Variants in NELL1 observed in about 807,000 individuals in gnomAD.
NELL1 encodes protein kinase C-binding protein NELL1.
NELL1 carries 76 observed loss-of-function variants against 107.4 expected under a neutral mutation model. The ratio of observed to expected loss-of-function variants is 0.71; its 90% CI spans 0.59 to 0.86. The LOEUF (loss-of-function observed/expected upper bound fraction) is 0.86, where lower values mean the gene tolerates loss of function less well. NELL1 is among the 40% of genes least tolerant of loss of function. NELL1 has a pLI of 0.00. For synonymous variants in NELL1, 353 were observed against 341.2 expected, an observed-to-expected ratio of 1.03 and a Z score of -0.38; for missense variants, 1,024 against 1,005.5, an observed-to-expected ratio of 1.02 and a Z score of -0.25.
intron 15 of NELL1, among the ~76,000 whole-genome samples, chr11:21,462,732 CAAG>C (rs1386651329): frequency 6.6e-6 from 1 of 151,970 alleles, no homozygotes; most frequent in East Asian, 1.9e-4. Context: ...TTCTGAGAGT[CAAG>C]GAGGTCTATT....
chr11:20,898,248 G>T (rs371488767), intron 5 of NELL1, among the ~76,000 whole-genome samples: 1 of 152,196 alleles, frequency 6.6e-6, no homozygotes, highest in African/African-American at 2.4e-5. Context: ...CCATAAAAAA[G>T]GATGAGTTCA....
intron 2 of NELL1, among the ~76,000 whole-genome samples, chr11:20,739,808 A>G (rs925560939): frequency 9.2e-5 from 14 of 152,196 alleles, no homozygotes; most frequent in African/African-American, 3.4e-4. Context: ...AGCATGAGAA[A>G]GGAAGTAGTG....
intron 2 of NELL1, among the ~76,000 whole-genome samples, chr11:20,762,455 G>A (rs1301903218): frequency 6.6e-6 from 1 of 152,144 alleles, no homozygotes; most frequent in Non-Finnish European, 1.5e-5. Flanking sequence ...AATAAGAAAA[G>A]CAAAGCTTCA....
intron 12 of NELL1, among the ~76,000 whole-genome samples, chr11:20,964,445 CAG>C (rs769183683): frequency 2.5e-4 from 38 of 152,166 alleles, no homozygotes; most frequent in Non-Finnish European, 4.6e-4. Context: ...CTTTTACTTG[CAG>C]AGTGTTTTAA....
intron 14 of NELL1, among the ~76,000 whole-genome samples, chr11:21,350,485 G>A (rs566680253): frequency 1.3e-5 from 2 of 152,208 alleles, no homozygotes; most frequent in African/African-American, 4.8e-5. Flanking sequence ...TTCATCCTGT[G>A]CATTCCATTC....
Position 20,825,842 on chromosome 11 carries a change from G to T in NELL1, c.336-21741G>T, listed in dbSNP as rs541698168. 1.3e-4 allele frequency among the ~76,000 whole-genome samples: 20 copies of T among 151,256 alleles called. No homozygotes were observed. In the South Asian group the frequency reaches 3.3e-3, roughly 25 times the overall value. ...GAGAAACACATTTCAAACCTGGGAG[G>T]GGCCAGGGGTGGAATGATATGGTCC... On this transcript the variant is annotated intron_variant, in intron 3 of 19. Coordinates refer to ENST00000357134, the MANE Select transcript of NELL1 (RefSeq NM_006157.5).
intron 14 of NELL1, among the ~76,000 whole-genome samples, chr11:21,350,662 G>C (rs1027257513): frequency 1.2e-4 from 18 of 152,166 alleles, no homozygotes; most frequent in African/African-American, 4.3e-4. Context: ...AATAAGGAGT[G>C]ATTGATTATG....
intron 12 of NELL1, among the ~76,000 whole-genome samples, chr11:20,974,850 A>T (rs1022501060): frequency 2.3e-4 from 35 of 152,214 alleles, no homozygotes; most frequent in African/African-American, 8.4e-4. Context: ...TTTAAAAAAG[A>T]TAAATGGTTT....
In NELL1 at chr11:21,121,920, A is replaced by G. The variant is rs181821474; in HGVS notation, c.1426+8206A>G. 1.9e-3 allele frequency among the ~76,000 whole-genome samples: 285 copies of G among 152,340 alleles called. 1 individual carries two copies. The highest frequency in any genetic ancestry group is 6.0e-3 in the East Asian group (31 of 5,188). On this transcript the variant is annotated intron_variant, in intron 13 of 19. Coordinates refer to ENST00000357134, the MANE Select transcript of NELL1 (RefSeq NM_006157.5). ...CAAAGACCACATATTTATTTCATTTAGTGATAGTAGTGTTAAAATAATGTT... is the reference window on the plus strand; with the variant it reads ...CAAAGACCACATATTTATTTCATTTGGTGATAGTAGTGTTAAAATAATGTT...
chr11:20,711,406 G>C lies in NELL1; in HGVS notation c.184+33346G>C, dbSNP rs149377162. Among the ~76,000 whole-genome samples the C allele has an allele frequency of 1.8e-3, 269 of 152,144 alleles. 1 individual carries two copies. Among genetic ancestry groups the C allele is most frequent in the Non-Finnish European group, 3.0e-3 (206 of 67,948 alleles). The stretch of plus-strand genomic sequence containing the variant: ...TGTTAGTTTTGAGATGTGAGGTACT[G>C]TTCTATTCATCATGTTGTTGCCTAA... On this transcript the variant is annotated intron_variant, in intron 2 of 19. Coordinates refer to ENST00000357134, the MANE Select transcript of NELL1 (RefSeq NM_006157.5).
chr11:20,747,571 C>A (rs1000019522), intron 2 of NELL1, among the ~76,000 whole-genome samples: 2 of 152,154 alleles, frequency 1.3e-5, no homozygotes, highest in Admixed American at 1.3e-4. Context: ...ATCTATACAT[C>A]CATAAATGGA....
rs112219512 is a variant in NELL1, at chr11:21,528,332, G to C, written c.1646-6042G>C. ...GATCTCCAGTGTGGAGTGTTAGGAGGGGGGCCGAGTAGGAGGTGTTTGGGT... is the reference window on the plus strand; with the variant it reads ...GATCTCCAGTGTGGAGTGTTAGGAGCGGGGCCGAGTAGGAGGTGTTTGGGT... On this transcript the variant is annotated intron_variant, in intron 15 of 19. Transcript: ENST00000357134. 7.0e-3 allele frequency among the ~76,000 whole-genome samples: 1,063 copies of C among 152,150 alleles called. 4 individuals carry two copies. Among genetic ancestry groups the C allele is most frequent in the Non-Finnish European group, 0.01 (686 of 67,980 alleles).
intron 2 of NELL1, among the ~76,000 whole-genome samples, chr11:20,759,958 T>C (rs1375625841): frequency 3.9e-5 from 6 of 152,238 alleles, no homozygotes; most frequent in Non-Finnish European, 8.8e-5. Flanking sequence ...TGTGTTCTTA[T>C]ACCTCTAAAC....
chr11:20,715,295 G>C (rs1278596047), intron 2 of NELL1, among the ~76,000 whole-genome samples: 3 of 30,456 alleles, frequency 9.9e-5, no homozygotes. Context: ...CATTTGAGCT[G>C]GGTTTTTGTT....
intron 15 of NELL1, among the ~76,000 whole-genome samples, chr11:21,445,380 G>T (rs1176317637): frequency 1.3e-5 from 2 of 150,876 alleles, no homozygotes; most frequent in Non-Finnish European, 3.0e-5. Context: ...AGGCTGGAGT[G>T]CAATAGCGTG....
chr11:20,910,927 CAT>C (rs139580176), intron 5 of NELL1, among the ~76,000 whole-genome samples: 5,259 of 152,274 alleles, frequency 0.035, 145 homozygotes, highest in Non-Finnish European at 0.048. Flanking sequence ...ATTTGTAACA[CAT>C]GTCTCCATCC....
intron 3 of NELL1, among the ~76,000 whole-genome samples, chr11:20,801,370 C>A (rs1168998586): frequency 6.6e-6 from 1 of 152,146 alleles, no homozygotes; most frequent in Non-Finnish European, 1.5e-5. Flanking sequence ...ATGCAAAGCC[C>A]CATCTGAAGA....
At chr11:21,210,289 T>G (rs1326234333) in intron 13 of NELL1, among the ~76,000 whole-genome samples, 1 of 152,176 alleles carries the variant, frequency 6.6e-6, no homozygotes, top group Non-Finnish European at 1.5e-5. Flanking sequence ...AACCCTGTGT[T>G]TGTTTGAGGA....
intron 4 of NELL1, among the ~76,000 whole-genome samples, chr11:20,864,856 G>A (rs1025971029): frequency 6.6e-6 from 1 of 152,160 alleles, no homozygotes; most frequent in Non-Finnish European, 1.5e-5. Flanking sequence ...TTGGCAACTT[G>A]CTTGGATTCC....
Sources: gnomAD v4.1 joint callset for allele counts (sites outside exome capture counted in the v4.1 genomes callset) on GRCh38, gnomAD v4.1.1 for gene constraint, MANE v1.5 for transcripts, NCBI Gene and HGNC (gene_info 2026-07-23, HGNC 2026-07-21) for gene names.